The following NBEA variants were observed in gnomAD, a reference collection of about 807,000 sequenced individuals.
The protein encoded by NBEA is lysosomal-trafficking regulator 2.
In NBEA, 44 loss-of-function variants were observed where a neutral mutation model predicts 343.4. The ratio of observed to expected loss-of-function variants is 0.13; its 90% CI spans 0.10 to 0.16. NBEA has a LOEUF of 0.16. NBEA is among the 10% of genes least tolerant of loss of function. NBEA has a pLI of 1.00. For missense variants in NBEA, 2,555 were observed against 3,631.3 expected, an observed-to-expected ratio of 0.70 and a Z score of 7.62; for synonymous variants, 1,175 against 1,238.7, an observed-to-expected ratio of 0.95 and a Z score of 1.08.
chr13:35,612,998 A>G (rs890853778), intron 48 of NBEA, among the ~76,000 whole-genome samples: 22 of 151,584 alleles, frequency 1.5e-4, no homozygotes, highest in African/African-American at 5.1e-4. Context: ...ATATGTATAC[A>G]AGTCAGAATA....
intron 48 of NBEA, among the ~76,000 whole-genome samples, chr13:35,620,089 A>G (rs1336389389): frequency 6.6e-6 from 1 of 152,090 alleles, no homozygotes. Context: ...GTCCCAGTAA[A>G]CACTGATAGT....
At chr13:35,633,037 T>C (rs2083530097) in intron 49 of NBEA, among the ~76,000 whole-genome samples, 2 of 151,500 alleles carry the variant, frequency 1.3e-5, no homozygotes, top group Admixed American at 1.3e-4. Flanking sequence ...AAAAAAATTA[T>C]CTGGGAATTT....
At chr13:35,288,283 A>ACG (rs1291234869) in intron 34 of NBEA, among the ~76,000 whole-genome samples, 2 of 151,910 alleles carry the variant, frequency 1.3e-5, no homozygotes, top group Non-Finnish European at 2.9e-5. Flanking sequence ...AACCAAAGTG[A>ACG]TTATGTAATT....
At chr13:35,003,681 T>A (rs533506465) in intron 1 of NBEA, among the ~76,000 whole-genome samples, 1 of 152,318 alleles carries the variant, frequency 6.6e-6, no homozygotes, top group East Asian at 1.9e-4. Context: ...TTGGGAACAT[T>A]ACACTCTGAA....
Position 35,540,589 on chromosome 13 carries a change from T to C in NBEA, c.6586-9888T>C, listed in dbSNP as rs779293600. 9.0e-4 allele frequency among the ~76,000 whole-genome samples: 137 copies of C among 152,284 alleles called. 1 individual carries two copies. Among genetic ancestry groups the C allele is most frequent in the Non-Finnish European group, 1.9e-3 (127 of 68,018 alleles). ...TTTAATTTTGAGAGTTTTACCATGATTTGAGAGTATGTGTTTGAAGATGAA... is the reference window on the plus strand; with the variant it reads ...TTTAATTTTGAGAGTTTTACCATGACTTGAGAGTATGTGTTTGAAGATGAA... On this transcript the variant is annotated intron_variant, in intron 41 of 58. Transcript: ENST00000379939.
At chr13:34,977,305 A>C (rs902149901) in intron 1 of NBEA, among the ~76,000 whole-genome samples, 5 of 150,554 alleles carry the variant, frequency 3.3e-5, no homozygotes, top group African/African-American at 9.8e-5. Flanking sequence ...TGAATTGTAC[A>C]TAATTATCTT....
At chr13:35,173,405 T>C (rs1209338715) in intron 26 of NBEA, 59 bp from the exon 27 acceptor site, 2 of 1,423,174 alleles carry the variant, frequency 1.4e-6, no homozygotes, top group African/African-American at 2.9e-5. Flanking sequence ...TTGCAACTTT[T>C]TCCAGGATAT....
chr13:35,052,454 T>C (rs1593594437), intron 6 of NBEA, among the ~76,000 whole-genome samples: 1 of 152,166 alleles, frequency 6.6e-6, no homozygotes, highest in East Asian at 1.9e-4. Context: ...TATTTTCATA[T>C]CTTCAATTTA....
chr13:35,501,239 C>T (rs2076875799), intron 41 of NBEA, among the ~76,000 whole-genome samples: 1 of 152,080 alleles, frequency 6.6e-6, no homozygotes, highest in African/African-American at 2.4e-5. Context: ...TTTGATGTGA[C>T]TTCTGTACAA....
chr13:35,115,622 A>G (rs1010845647), intron 13 of NBEA, among the ~76,000 whole-genome samples: 1 of 152,112 alleles, frequency 6.6e-6, no homozygotes, highest in African/African-American at 2.4e-5. Flanking sequence ...TCTTCATTCA[A>G]TTTTATATTA....
intron 1 of NBEA, among the ~76,000 whole-genome samples, chr13:34,954,336 G>A (rs188921565): frequency 6.6e-6 from 1 of 152,254 alleles, no homozygotes; most frequent in Admixed American, 6.5e-5. Context: ...TGAATCTTTT[G>A]AGGATCAGCA....
chr13:35,567,348 C>A (rs2080182767), intron 45 of NBEA, among the ~76,000 whole-genome samples: 1 of 152,006 alleles, frequency 6.6e-6, no homozygotes. Context: ...TGATATGTTC[C>A]TTAGATGGTA....
chr13:35,211,418 C>T (rs2073762064), intron 33 of NBEA, among the ~76,000 whole-genome samples: 1 of 152,162 alleles, frequency 6.6e-6, no homozygotes, highest in Non-Finnish European at 1.5e-5. Flanking sequence ...TAGTAATTCA[C>T]TGTCATTTAG....
chr13:35,077,570 C>T (rs2064175439), intron 10 of NBEA, among the ~76,000 whole-genome samples: 1 of 152,048 alleles, frequency 6.6e-6, no homozygotes, highest in South Asian at 2.1e-4. Flanking sequence ...ACAAAGCTAC[C>T]CTTTCCCCTC....
At chr13:35,601,703 A>C (rs1442319053) in intron 47 of NBEA, among the ~76,000 whole-genome samples, 3 of 143,372 alleles carry the variant, frequency 2.1e-5, no homozygotes, top group Non-Finnish European at 4.5e-5. Context: ...TGTAGGTTGC[A>C]ATGAGCTGAG....
intron 41 of NBEA, among the ~76,000 whole-genome samples, chr13:35,538,011 G>A (rs990154307): frequency 2.0e-5 from 3 of 152,184 alleles, no homozygotes; most frequent in Non-Finnish European, 1.5e-5. Context: ...AGATCATTAA[G>A]AGAGATCCTC....
chr13:35,205,203 T>G (rs2073304212), intron 31 of NBEA, among the ~76,000 whole-genome samples: 1 of 152,146 alleles, frequency 6.6e-6, no homozygotes, highest in South Asian at 2.1e-4. Context: ...TTTGGCCATC[T>G]GAATCAAAGG....
intron 39 of NBEA, among the ~76,000 whole-genome samples, chr13:35,434,732 C>T (rs564551737): frequency 7.9e-5 from 12 of 152,188 alleles, no homozygotes; most frequent in East Asian, 7.7e-4. Context: ...GTGATCTATA[C>T]GTAGAAGTAG....
At chr13:35,531,433 T>G (rs768965483) in intron 41 of NBEA, among the ~76,000 whole-genome samples, 1 of 152,222 alleles carries the variant, frequency 6.6e-6, no homozygotes, top group Non-Finnish European at 1.5e-5. Context: ...CTGTTAGCTA[T>G]ATTTCCTTTC....
Sources: allele counts gnomAD v4.1 joint callset (sites outside exome capture counted in the v4.1 genomes callset), GRCh38; gene constraint gnomAD v4.1.1; transcripts MANE v1.5; gene names NCBI Gene and HGNC (gene_info 2026-07-23, HGNC 2026-07-21).